ZFAND3: variants seen among roughly 807,000 people sequenced by gnomAD.
ZFAND3 encodes the protein AN1-type zinc finger protein 3.
Under a neutral mutation model 29.6 loss-of-function variants are expected in ZFAND3, and 10 were observed. The ratio of observed to expected loss-of-function variants is 0.34; its 90% CI spans 0.21 to 0.57. The LOEUF (loss-of-function observed/expected upper bound fraction) is 0.57. Among genes scored for constraint, ZFAND3 ranks in the 20% least tolerant of loss-of-function variants. The probability of loss-of-function intolerance (pLI) is 0.86; values close to 1 mark genes in which losing one functional copy is unlikely to be tolerated. For missense variants in ZFAND3, 230 were observed against 304.5 expected, an observed-to-expected ratio of 0.76 and a Z score of 1.82; for synonymous variants, 128 against 112.6, an observed-to-expected ratio of 1.14 and a Z score of -0.87.
intron 1 of ZFAND3, among the ~76,000 whole-genome samples, chr6:37,836,212 AT>A (rs1331026441): frequency 1.3e-5 from 2 of 152,144 alleles, no homozygotes; most frequent in Non-Finnish European, 2.9e-5. Flanking sequence ...CACATTACTC[AT>A]GCTTTCCCTA....
chr6:37,835,987 C>T (rs1324374998), intron 1 of ZFAND3, among the ~76,000 whole-genome samples: 1 of 152,042 alleles, frequency 6.6e-6, no homozygotes, highest in Non-Finnish European at 1.5e-5. Context: ...AATTTTAGGG[C>T]TTATGGACAA....
At chr6:37,867,617 A>G (rs779698428) in intron 1 of ZFAND3, among the ~76,000 whole-genome samples, 1 of 151,868 alleles carries the variant, frequency 6.6e-6, no homozygotes, top group Non-Finnish European at 1.5e-5. Flanking sequence ...TACTTGTCCA[A>G]TTTTTTTTGA....
intron 1 of ZFAND3, among the ~76,000 whole-genome samples, chr6:37,894,349 TAA>T (rs1220144809): frequency 5.3e-5 from 8 of 152,112 alleles, no homozygotes; most frequent in Non-Finnish European, 1.2e-4. Context: ...TCATTTGGTA[TAA>T]TTCTCCTGCT....
chr6:38,111,522 C>G (rs2127482497), intron 4 of ZFAND3, among the ~76,000 whole-genome samples: 1 of 152,224 alleles, frequency 6.6e-6, no homozygotes, highest in East Asian at 1.9e-4. Context: ...GCAAGACCAG[C>G]CCCCCACTCC....
chr6:38,130,803 G>A (rs1012770412), intron 5 of ZFAND3, among the ~76,000 whole-genome samples: 14 of 152,090 alleles, frequency 9.2e-5, no homozygotes, highest in African/African-American at 3.4e-4. Flanking sequence ...CCTGGTTTTG[G>A]TATTAGGGTG....
chr6:37,847,010 G>T (rs1005084949), intron 1 of ZFAND3, among the ~76,000 whole-genome samples: 1 of 151,358 alleles, frequency 6.6e-6, no homozygotes, highest in East Asian at 2.1e-4. Context: ...TGTGCCTGGC[G>T]TATACTTGTG....
intron 2 of ZFAND3, among the ~76,000 whole-genome samples, chr6:38,021,644 C>T (rs1763353930): frequency 6.6e-6 from 1 of 152,204 alleles, no homozygotes; most frequent in Admixed American, 6.5e-5. Flanking sequence ...TGGTAAATGT[C>T]TGAAGATATA....
Position 37,929,971 on chromosome 6 carries a change from T to C in ZFAND3, c.84T>C (p.Thr28=), listed in dbSNP as rs1417367527. ...TTGTTTGCCCCAGGTCCAGCAAGAC[T>C]ATGAATCTCTGTTCCAAATGCTTTG... ...CPCGFWGSSK[T]MNLCSKCFAD... The change falls in exon 2 of 6, where the codon ACT becomes ACC. Residue 28 remains threonine (T), a synonymous_variant. Coordinates refer to ENST00000287218, the MANE Select transcript of ZFAND3 (RefSeq NM_021943.3). 1 of 1,599,122 alleles carries C rather than the reference T, an allele frequency of 6.3e-7. No individual in the cohort carries two copies. Among genetic ancestry groups the C allele is most frequent in the Non-Finnish European group, 8.5e-7 (1 of 1,174,462 alleles).
chr6:38,139,946 T>A (rs944710883), intron 5 of ZFAND3, among the ~76,000 whole-genome samples: 3 of 152,112 alleles, frequency 2.0e-5, no homozygotes, highest in Non-Finnish European at 2.9e-5. Context: ...TGGCAAGAAG[T>A]GAATGGATTT....
chr6:37,884,494 CA>C (rs58015486), intron 1 of ZFAND3, among the ~76,000 whole-genome samples: 18,018 of 54,238 alleles, frequency 0.33, 896 homozygotes, highest in African/African-American at 0.36. Flanking sequence ...AACTCTAGCT[CA>C]AAAAAAAAAA....
intron 1 of ZFAND3, among the ~76,000 whole-genome samples, chr6:37,870,296 A>C (rs377214139): frequency 3.0e-3 from 397 of 133,846 alleles, no homozygotes; most frequent in Non-Finnish European, 4.3e-3. Flanking sequence ...CTGTCTCAAA[A>C]AAAAAAAAAA....
At chr6:38,085,416 G>C (rs907517941) in intron 4 of ZFAND3, among the ~76,000 whole-genome samples, 3 of 152,280 alleles carry the variant, frequency 2.0e-5, no homozygotes, top group South Asian at 4.1e-4. Context: ...ATGTGTGTTA[G>C]AACAAGGATA....
intron 4 of ZFAND3, among the ~76,000 whole-genome samples, chr6:38,089,976 C>CCTGAGTAG (rs756374740): frequency 1.7e-4 from 26 of 152,182 alleles, no homozygotes; most frequent in Non-Finnish European, 2.9e-4. Context: ...GCCTCAGCCT[C>CCTGAGTAG]CTGAGTAGCT....
At chr6:37,857,366 A>G (rs1168662806) in intron 1 of ZFAND3, among the ~76,000 whole-genome samples, 1 of 152,226 alleles carries the variant, frequency 6.6e-6, no homozygotes. Flanking sequence ...AAATGAAGCG[A>G]ATACAAGTGA....
At chr6:37,914,946 CCTTT>C (rs2127406577) in intron 1 of ZFAND3, among the ~76,000 whole-genome samples, 1 of 152,240 alleles carries the variant, frequency 6.6e-6, no homozygotes, top group South Asian at 2.1e-4. Flanking sequence ...ATTGACTTAT[CCTTT>C]CTAACTACGA....
rs186500686 is a variant in ZFAND3 at position 37,827,935 on chromosome 6, C to G, written c.71+7919C>G. Among the ~76,000 whole-genome samples, 16 of 152,312 alleles carry G rather than the reference C, an allele frequency of 1.1e-4. No individual in the cohort carries two copies. The East Asian group carries it at 2.1e-3, about 20-fold the overall frequency. Reference sequence around the variant, plus strand: ...TTTGTTTCCAGGTTGTGGATAAGCTCTAGTTAGCTTTATTGATACTTTAGT... The same window carrying G: ...TTTGTTTCCAGGTTGTGGATAAGCTGTAGTTAGCTTTATTGATACTTTAGT... On this transcript the variant is annotated intron_variant, in intron 1 of 5. Coordinates refer to ENST00000287218, the MANE Select transcript of ZFAND3 (RefSeq NM_021943.3).
At chr6:38,122,337 G>T (rs1415126317) in intron 5 of ZFAND3, among the ~76,000 whole-genome samples, 1 of 152,164 alleles carries the variant, frequency 6.6e-6, no homozygotes, top group African/African-American at 2.4e-5. Context: ...ATGCTGTGTT[G>T]TTTAGGGAAT....
chr6:38,061,689 A>G lies in ZFAND3; in HGVS notation c.209A>G (p.Asn70Ser), dbSNP rs754121594. ...FSEETTSDNN[N>S]TSITTPTLSP... The stretch of plus-strand genomic sequence containing the variant: ...GAAGAGACCACCAGTGACAACAACA[A>G]TACCTCGATAACCACGCCAACTCTT... Residue 70 changes from asparagine to serine, a missense_variant, in exon 3 of 6, where the codon AAT (asparagine) becomes AGT (serine). Asn to Ser is a conservative substitution (Grantham distance 46). Around this residue, in one of 2 missense-constraint regions of ZFAND3, gnomAD observed 180 missense variants for 202.5 expected, o/e 0.89. Coordinates refer to ENST00000287218, the MANE Select transcript of ZFAND3 (RefSeq NM_021943.3). 6.2e-6 allele frequency: 10 copies of G among 1,614,204 alleles called. No individual in the cohort carries two copies. The highest frequency in any genetic ancestry group is 2.2e-5 in the East Asian group (1 of 44,888).
At chr6:37,887,273 C>T (rs966960231) in intron 1 of ZFAND3, among the ~76,000 whole-genome samples, 2 of 152,074 alleles carry the variant, frequency 1.3e-5, no homozygotes, top group Admixed American at 6.5e-5. Flanking sequence ...AGTTACTTCT[C>T]AGTTTAAAAG....
Sources: gnomAD v4.1 joint callset for allele counts (sites outside exome capture counted in the v4.1 genomes callset) on GRCh38, gnomAD v4.1.1 for gene constraint, gnomAD v4.1.1 regional missense constraint, MANE v1.5 for transcripts, NCBI Gene and HGNC (gene_info 2026-07-23, HGNC 2026-07-21) for gene names.